Variants in OR4K13 observed in about 807,000 individuals in gnomAD.
OR4K13 encodes the protein olfactory receptor family 4 subfamily K member 13.
For synonymous variants in OR4K13, 160 were observed against 134.8 expected (o/e 1.19, Z -1.30); for missense variants, 403 against 366.0 (o/e 1.10, Z -0.82).
Position 20,032,428 on chromosome 14 carries a change from C to T in OR4K13, c.*1416G>A, listed in dbSNP as rs1173576679. The T allele has an allele frequency of 6.6e-6, 1 of 152,162 alleles. No individual in the cohort carries two copies. Among genetic ancestry groups the T allele is most frequent in the African/African-American group, 2.4e-5 (1 of 41,436 alleles). The allele number at this position is 152,162 out of a possible 1,614,324, so 9.4% of individuals were successfully genotyped here. ...AACAACTAAGGCTGATGTGACTGTGCCCTTTATGTAACAAATGATCTAAAA... is the reference window on the plus strand; with the variant it reads ...AACAACTAAGGCTGATGTGACTGTGTCCTTTATGTAACAAATGATCTAAAA... On this transcript the variant is annotated 3_prime_UTR_variant, in exon 2 of 2. Coordinates refer to ENST00000641904, the MANE Select transcript of OR4K13 (RefSeq NM_001004714.2).
chr14:20,035,683 T>C (rs1406460829), intron 1 of OR4K13: 1 of 152,066 alleles, frequency 6.6e-6, no homozygotes, highest in African/African-American at 2.4e-5. Context: ...GGCCTGTGTA[T>C]GGTTGTCATA....
Position 20,033,671 on chromosome 14 carries a change from G to C in OR4K13, c.*173C>G. ...CATATGGAACTTGAACTGTTAGCTG[G>C]TACACAAGTTATAGTGGTTTTTGCC... On this transcript the variant is annotated 3_prime_UTR_variant, in exon 2 of 2. Transcript: ENST00000641904. 1 of 504,592 alleles carries C rather than the reference G, an allele frequency of 2.0e-6. No individual in the cohort carries two copies. The highest frequency in any genetic ancestry group is 3.5e-6 in the Non-Finnish European group (1 of 282,488). The allele number at this position is 504,592 out of a possible 1,614,324, so 31.3% of individuals were successfully genotyped here.
Position 20,034,327 on chromosome 14 carries a change from T to A in OR4K13, c.432A>T (p.Leu144=). ...TIMSPRVLTG[L]LLSSYAVGFV... The stretch of plus-strand genomic sequence containing the variant: ...ATCCAACTGCATAGGAGGATAACAG[T>A]AGCCCAGTGAGCACCCGTGGGCTCA... The change falls in exon 2 of 2, where the codon CTA becomes CTT. Residue 144 remains leucine (L), a synonymous_variant. Coordinates refer to ENST00000641904, the MANE Select transcript of OR4K13 (RefSeq NM_001004714.2). 6.2e-7 allele frequency: 1 copy of A among 1,614,072 alleles called. No individual in the cohort carries two copies. The highest frequency in any genetic ancestry group is 1.3e-5 in the African/African-American group (1 of 75,016).
At position 20,034,277 on chromosome 14, in the gene OR4K13, GC is replaced by G; in HGVS notation, c.481del (p.Ala161LeufsTer4). 6.2e-7 allele frequency: 1 copy of G among 1,614,120 alleles called. No homozygotes were observed. The highest frequency in any genetic ancestry group is 8.5e-7 in the Non-Finnish European group (1 of 1,180,000). On this transcript the variant is annotated frameshift_variant, in exon 2 of 2. Coordinates refer to ENST00000641904, the MANE Select transcript of OR4K13 (RefSeq NM_001004714.2). LOFTEE classifies it low-confidence loss of function (END_TRUNC). ...VGFVHSSSQM[A>X]FMLTLPFCGP... ...ACAGAAGGGCAAAGTCAACATGAAA[GC>G]CATTTGACTAGATGAGTGCACAAAT...
chr14:20,035,434 CAAGTAT>C (rs1412892232), intron 1 of OR4K13, among the ~76,000 whole-genome samples: 1 of 134,114 alleles, frequency 7.5e-6, no homozygotes, highest in Non-Finnish European at 1.6e-5. Flanking sequence ...TTTGAAGTGT[CAAGTAT>C]ATGTATAGTA....
Position 20,034,835 on chromosome 14 carries a change from G to T in OR4K13, c.-77C>A. 1 of 1,218,066 alleles carries T rather than the reference G, an allele frequency of 8.2e-7. No homozygotes were observed. Among genetic ancestry groups the T allele is most frequent in the Non-Finnish European group, 1.1e-6 (1 of 875,532 alleles). 75.5% of individuals were successfully genotyped at this position (1,218,066 alleles called of 1,614,324 possible). ...GAAATGATGCATATTGGAAAGAAAT[G>T]TTCATGTTGATGTCCACATTTGGTA... On this transcript the variant is annotated 5_prime_UTR_variant, in exon 2 of 2. Coordinates refer to ENST00000641904, the MANE Select transcript of OR4K13 (RefSeq NM_001004714.2).
In OR4K13 at chr14:20,030,592, A is replaced by G. The variant is rs1361129073; in HGVS notation, c.*3252T>C. On this transcript the variant is annotated 3_prime_UTR_variant, in exon 2 of 2. Transcript: ENST00000641904. ...GGAAGAGACAAATATCAGTATTATT[A>G]CTGGTAAAGTTGCACTGGACTTAAA... 6.6e-6 allele frequency: 1 copy of G among 152,198 alleles called. No homozygotes were observed. Among genetic ancestry groups the G allele is most frequent in the African/African-American group, 2.4e-5 (1 of 41,454 alleles). 9.4% of individuals were successfully genotyped at this position (152,198 alleles called of 1,614,324 possible).
rs973802564 is a variant in OR4K13 at position 20,029,859 on chromosome 14, G to T, written c.*3985C>A. ...GAATTGCTTGAACTGGGGAGGTGGAGGTTGCAGTGAGCCAAAATTGAGCCA... is the reference window on the plus strand; with the variant it reads ...GAATTGCTTGAACTGGGGAGGTGGATGTTGCAGTGAGCCAAAATTGAGCCA... On this transcript the variant is annotated 3_prime_UTR_variant, in exon 2 of 2. Transcript: ENST00000641904. 3 of 152,080 alleles carry T rather than the reference G, an allele frequency of 2.0e-5. No individual in the cohort carries two copies. The highest frequency in any genetic ancestry group is 2.9e-5 in the Non-Finnish European group (2 of 68,036). 9.4% of individuals were successfully genotyped at this position (152,080 alleles called of 1,614,324 possible). A position where few individuals can be genotyped will look rare whatever the true frequency, so the allele number is the denominator to read the frequency against.
chr14:20,033,984 C>G lies in OR4K13; in HGVS notation c.775G>C (p.Val259Leu). Reference protein sequence around the residue: ...LFFAPCVFIYVWPFSRYSVDK... With the variant: ...LFFAPCVFIYLWPFSRYSVDK... ...ACCGAGTATCTGCTGAAGGGCCAGA[C>G]GTAGATAAAGACACACGGAGCAAAG... Residue 259 changes from valine to leucine, a missense_variant, in exon 2 of 2, where the codon GTC becomes CTC. By Grantham distance (32) the Val-to-Leu change is conservative. Coordinates refer to ENST00000641904, the MANE Select transcript of OR4K13 (RefSeq NM_001004714.2). 1 of 1,613,774 alleles carries G rather than the reference C, an allele frequency of 6.2e-7. No homozygotes were observed. The highest frequency in any genetic ancestry group is 8.5e-7 in the Non-Finnish European group (1 of 1,179,890).
Position 20,030,591 on chromosome 14 carries a change from T to C in OR4K13, c.*3253A>G, listed in dbSNP as rs1877392405. 6.6e-6 allele frequency: 1 copy of C among 152,192 alleles called. No homozygotes were observed. Among genetic ancestry groups the C allele is most frequent in the Non-Finnish European group, 1.5e-5 (1 of 68,030 alleles). 9.4% of individuals were successfully genotyped at this position (152,192 alleles called of 1,614,324 possible). ...AGGAAGAGACAAATATCAGTATTAT[T>C]ACTGGTAAAGTTGCACTGGACTTAA... On this transcript the variant is annotated 3_prime_UTR_variant, in exon 2 of 2. Transcript: ENST00000641904.
At position 20,030,961 on chromosome 14, in the gene OR4K13, CG is replaced by C. The variant is rs1278937447; in HGVS notation, c.*2882del. The C allele has an allele frequency of 2.0e-5, 3 of 152,300 alleles. No individual in the cohort carries two copies. The highest frequency in any genetic ancestry group is 7.2e-5 in the African/African-American group (3 of 41,454). The allele number at this position is 152,300 out of a possible 1,614,324, so 9.4% of individuals were successfully genotyped here. A position where few individuals can be genotyped will look rare whatever the true frequency, so the allele number is the denominator to read the frequency against. ...ACTTGAACTCGGGAGGCGGAGGTTG[CG>C]GTGAGCAGAGATTGCGCCACTGCAC... On this transcript the variant is annotated 3_prime_UTR_variant, in exon 2 of 2. Transcript: ENST00000641904.
rs774902885 is a variant in OR4K13, at chr14:20,034,401, T to C, written c.358A>G (p.Ile120Val). 6.2e-7 allele frequency: 1 copy of C among 1,613,984 alleles called. No homozygotes were observed. Among genetic ancestry groups the C allele is most frequent in the Non-Finnish European group, 8.5e-7 (1 of 1,179,974 alleles). ...SEMMLLVAMA[I>V]DRYVAICKPL... ...TTGCATATGGCAACATACCTGTCTATTGCCATGGCTACAAGCAACATCATC... is the reference window on the plus strand; with the variant it reads ...TTGCATATGGCAACATACCTGTCTACTGCCATGGCTACAAGCAACATCATC... The change falls in exon 2 of 2, where the codon ATA becomes GTA. Residue 120 changes from isoleucine to valine, a missense_variant. Transcript: ENST00000641904.
In OR4K13 at chr14:20,034,975, T is replaced by G; in HGVS notation, c.-217A>C. ...CAAATAGTCAGTAGAATTCAGAATA[T>G]AAGTTTCTGGAAGACAAAAATAAAA... is the stretch of plus-strand genomic sequence containing the variant. On this transcript the variant is annotated 5_prime_UTR_variant, in exon 2 of 2. Coordinates refer to ENST00000641904, the MANE Select transcript of OR4K13 (RefSeq NM_001004714.2). 2.0e-6 allele frequency: 1 copy of G among 508,136 alleles called. No homozygotes were observed. The highest frequency in any genetic ancestry group is 3.5e-6 in the Non-Finnish European group (1 of 288,900). The allele number at this position is 508,136 out of a possible 1,614,324, so 31.5% of individuals were successfully genotyped here.
At position 20,034,150 on chromosome 14, in the gene OR4K13, A is replaced by G. The variant is rs1877500139; in HGVS notation, c.609T>C (p.Ser203=). 1 of 1,614,124 alleles carries G rather than the reference A, an allele frequency of 6.2e-7. No individual in the cohort carries two copies. The highest frequency in any genetic ancestry group is 8.5e-7 in the Non-Finnish European group (1 of 1,179,990). The part of the protein sequence containing the change: ...YILQLLVIAD[S]GLLSLVCFLL... Reference sequence around the variant, plus strand: ...GGAAGCAGACCAGTGACAGGAGCCCACTGTCAGCAATGACCAGGAGCTGTA... The same window carrying G: ...GGAAGCAGACCAGTGACAGGAGCCCGCTGTCAGCAATGACCAGGAGCTGTA... Residue 203 remains serine (S), a synonymous_variant, in exon 2 of 2, where the codon AGT becomes AGC. Coordinates refer to ENST00000641904, the MANE Select transcript of OR4K13 (RefSeq NM_001004714.2).
intron 1 of OR4K13, 117 bp from the exon 2 acceptor site, chr14:20,035,098 G>A: frequency 5.1e-6 from 1 of 197,760 alleles, no homozygotes; most frequent in Non-Finnish European, 1.0e-5. Flanking sequence ...GGGTGACACA[G>A]GACAAGTAAC....
In OR4K13 at chr14:20,034,559, G is replaced by T. The variant is rs1420032712; in HGVS notation, c.200C>A (p.Ser67Tyr). 1 of 1,613,876 alleles carries T rather than the reference G, an allele frequency of 6.2e-7. No individual in the cohort carries two copies. The highest frequency in any genetic ancestry group is 8.5e-7 in the Non-Finnish European group (1 of 1,179,984). Reference protein sequence around the residue: ...TPMYFLLSNLSCIDMILASFA... With the variant: ...TPMYFLLSNLYCIDMILASFA... ...AGAAGCCAGGATCATATCAATGCAG[G>T]AGAGGTTGCTAAGCAGAAAATACAT... The change falls in exon 2 of 2, where the codon TCC becomes TAC. Residue 67 changes from serine (S) to tyrosine (Y), a missense_variant. Ser to Tyr is a moderately radical substitution (Grantham distance 144). Transcript: ENST00000641904.
At chr14:20,035,642 C>T (rs951658156) in intron 1 of OR4K13, 1 of 151,812 alleles carries the variant, frequency 6.6e-6, no homozygotes, top group African/African-American at 2.4e-5. Context: ...ATTCATTTAC[C>T]TGGTTATTGC....
intron 1 of OR4K13, among the ~76,000 whole-genome samples, 157 bp from the exon 2 acceptor site, chr14:20,035,138 A>C (rs939063114): frequency 6.6e-6 from 1 of 152,128 alleles, no homozygotes; most frequent in African/African-American, 2.4e-5. Flanking sequence ...TTCTCAGTGA[A>C]AAAAAGAATT....
Position 20,030,584 on chromosome 14 carries a change from G to C in OR4K13, c.*3260C>G, listed in dbSNP as rs1414132334. ...TGTGAATAGGAAGAGACAAATATCA[G>C]TATTATTACTGGTAAAGTTGCACTG... On this transcript the variant is annotated 3_prime_UTR_variant, in exon 2 of 2. Coordinates refer to ENST00000641904, the MANE Select transcript of OR4K13 (RefSeq NM_001004714.2). The C allele has an allele frequency of 6.6e-6, 1 of 152,132 alleles. No individual in the cohort carries two copies. Among genetic ancestry groups the C allele is most frequent in the Non-Finnish European group, 1.5e-5 (1 of 68,042 alleles). The allele number at this position is 152,132 out of a possible 1,614,324, so 9.4% of individuals were successfully genotyped here. A position where few individuals can be genotyped will look rare whatever the true frequency, so the allele number is the denominator to read the frequency against.
Sources: allele counts gnomAD v4.1 joint callset (sites outside exome capture counted in the v4.1 genomes callset), GRCh38; gene constraint gnomAD v4.1.1; transcripts MANE v1.5; gene names NCBI Gene and HGNC (gene_info 2026-07-23, HGNC 2026-07-21).